The following ETS1 variants were observed in gnomAD, a reference collection of about 807,000 sequenced individuals.
The protein encoded by ETS1 is protein C-ets-1.
In ETS1, 15 loss-of-function variants were observed where a neutral mutation model predicts 58.6. The ratio of observed to expected loss-of-function variants is 0.26; its 90% CI spans 0.17 to 0.39. The LOEUF (loss-of-function observed/expected upper bound fraction) is 0.39, where lower values mean the gene tolerates loss of function less well. ETS1 is among the 10% of genes least tolerant of loss of function. The pLI, the probability that ETS1 is intolerant of heterozygous loss-of-function variation, is 1.00. For synonymous variants in ETS1, 214 were observed against 218.2 expected, an observed-to-expected ratio of 0.98 and a Z score of 0.17; for missense variants, 417 against 610.5, an observed-to-expected ratio of 0.68 and a Z score of 3.34.
intron 3 of ETS1, among the ~76,000 whole-genome samples, chr11:128,496,104 A>C (rs1013102152): frequency 6.6e-6 from 1 of 152,170 alleles, no homozygotes; most frequent in African/African-American, 2.4e-5. Flanking sequence ...GGGAGATCAT[A>C]GAGTTAAAGT....
chr11:128,515,637 T>C (rs1373581433), intron 3 of ETS1, among the ~76,000 whole-genome samples: 1 of 152,182 alleles, frequency 6.6e-6, no homozygotes, highest in Non-Finnish European at 1.5e-5. Flanking sequence ...CCAGTTAATG[T>C]CTGTCATTCT....
At chr11:128,568,458 C>A (rs893974526) in intron 2 of ETS1, among the ~76,000 whole-genome samples, 11 of 152,156 alleles carry the variant, frequency 7.2e-5, no homozygotes, top group African/African-American at 2.7e-4. Flanking sequence ...AGCACTTCCT[C>A]CCCATGGATG....
chr11:128,572,972 T>C, intron 2 of ETS1, 90 bp downstream of exon 2: 1 of 998,664 alleles, frequency 1.0e-6, no homozygotes, highest in Admixed American at 2.1e-5. Flanking sequence ...TCCTGGCTTC[T>C]CTGTCTACTG....
At chr11:128,579,909 G>A (rs545556357) in intron 1 of ETS1, among the ~76,000 whole-genome samples, 8 of 151,714 alleles carry the variant, frequency 5.3e-5, no homozygotes, top group Non-Finnish European at 8.8e-5. Flanking sequence ...GCAATTGCAT[G>A]GACCTCCTTG....
At chr11:128,574,075 G>A (rs1157434389) in intron 1 of ETS1, among the ~76,000 whole-genome samples, 3 of 152,138 alleles carry the variant, frequency 2.0e-5, no homozygotes, top group Admixed American at 2.0e-4. Flanking sequence ...AATAAGAAAT[G>A]TCTTATGTTC....
chr11:128,485,067 A>G lies in ETS1; in HGVS notation c.618T>C (p.Tyr206=). ...GAACACACTGGGCATGCTCAATACC[A>G]TAGCCTGGAAACAAAGGGTTTGCAA... is the stretch of plus-strand genomic sequence containing the variant. ...SRYTSDYFIS[Y]GIEHAQCVPP... The change falls in exon 7 of 10, where the codon TAT becomes TAC. Residue 206 remains tyrosine, a synonymous_variant. Coordinates refer to ENST00000392668, the MANE Select transcript of ETS1 (RefSeq NM_001143820.2). 2 of 1,609,602 alleles carry G rather than the reference A, an allele frequency of 1.2e-6. No individual in the cohort carries two copies. The highest frequency in any genetic ancestry group is 2.2e-5 in the South Asian group (2 of 90,790).
intron 2 of ETS1, among the ~76,000 whole-genome samples, chr11:128,571,155 G>A (rs764945862): frequency 2.6e-5 from 4 of 151,954 alleles, no homozygotes; most frequent in Non-Finnish European, 5.9e-5. Flanking sequence ...CAGGCTGGGC[G>A]CGGTGGCTCA....
chr11:128,508,061 G>C (rs1305335203), intron 3 of ETS1, among the ~76,000 whole-genome samples: 12 of 152,210 alleles, frequency 7.9e-5, no homozygotes, highest in Non-Finnish European at 1.3e-4. Flanking sequence ...CTCACGTTCG[G>C]TAAGAATGCG....
intron 3 of ETS1, among the ~76,000 whole-genome samples, chr11:128,503,794 G>C (rs1179269970): frequency 6.6e-6 from 1 of 152,190 alleles, no homozygotes; most frequent in Non-Finnish European, 1.5e-5. Context: ...AGAAGGCAGA[G>C]AGACACACAT....
chr11:128,538,729 AACAC>A lies in ETS1; in HGVS notation c.214+17558_214+17561del, dbSNP rs144715375. Among the ~76,000 whole-genome samples the A allele has an allele frequency of 1.3e-4, 20 of 149,182 alleles. No individual in the cohort carries two copies. The South Asian group carries it at 2.5e-3, about 19-fold the overall frequency. On this transcript the variant is annotated intron_variant, in intron 3 of 9. Transcript: ENST00000392668. The stretch of plus-strand genomic sequence containing the variant: ...ATACTGGTAGTTTTATTCAGGTGAA[AACAC>A]ACACACACACACATACACACATACA...
intron 3 of ETS1, 104 bp from the exon 4 acceptor site, chr11:128,490,680 T>A: frequency 1.2e-6 from 1 of 830,658 alleles, no homozygotes; most frequent in Non-Finnish European, 1.9e-6. Flanking sequence ...GAAACAACTG[T>A]GCTAGCATCC....
At chr11:128,532,979 TCCTCTGTCAGAAA>T (rs1279083825) in intron 3 of ETS1, among the ~76,000 whole-genome samples, 2 of 152,192 alleles carry the variant, frequency 1.3e-5, no homozygotes, top group Non-Finnish European at 2.9e-5. Flanking sequence ...TGATTAGCTT[TCCTCTGTCAGAAA>T]CCTCTGCAAA....
At chr11:128,564,252 G>A (rs1864453198) in intron 2 of ETS1, among the ~76,000 whole-genome samples, 1 of 152,176 alleles carries the variant, frequency 6.6e-6, no homozygotes, top group African/African-American at 2.4e-5. Context: ...ACCAGGAGAA[G>A]CAGGAACAGG....
rs1017100515 is a variant in ETS1, at chr11:128,459,997, C to T, written c.*2364G>A. The T allele has an allele frequency of 2.0e-5, 3 of 152,392 alleles. No homozygotes were observed. Among genetic ancestry groups the T allele is most frequent in the Non-Finnish European group, 2.9e-5 (2 of 68,032 alleles). The allele number at this position is 152,392 out of a possible 1,614,324, so 9.4% of individuals were successfully genotyped here. A position where few individuals can be genotyped will look rare whatever the true frequency, so the allele number is the denominator to read the frequency against. On this transcript the variant is annotated 3_prime_UTR_variant, in exon 10 of 10. Coordinates refer to ENST00000392668, the MANE Select transcript of ETS1 (RefSeq NM_001143820.2). ...ATACCCGGCCCTGGTTCTACTCTTA[C>T]CCATTATTGAAATGTGGAAAGACTT...
chr11:128,475,830 C>T (rs906517874), intron 8 of ETS1, among the ~76,000 whole-genome samples: 12 of 152,102 alleles, frequency 7.9e-5, no homozygotes, highest in African/African-American at 2.4e-4. Flanking sequence ...GGATTACAGG[C>T]GTGAGCCACC....
Position 128,556,370 on chromosome 11 carries a change from G to C in ETS1, c.135C>G (p.His45Gln). 6.2e-7 allele frequency: 1 copy of C among 1,613,088 alleles called. No individual in the cohort carries two copies. The highest frequency in any genetic ancestry group is 8.5e-7 in the Non-Finnish European group (1 of 1,179,104). The change falls in exon 3 of 10, where the codon CAC becomes CAG. Residue 45 changes from histidine to glutamine, a missense_variant. Coordinates refer to ENST00000392668, the MANE Select transcript of ETS1 (RefSeq NM_001143820.2). ...AAAAGGGGTAGCAAGGTCTTTGCTGGTGATAATTGGACTGGAAACCACAGT... is the reference window on the plus strand; with the variant it reads ...AAAAGGGGTAGCAAGGTCTTTGCTGCTGATAATTGGACTGGAAACCACAGT... ...RMNCGFQSNYHQQRPCYPFWD... is the reference protein window; with the variant it reads ...RMNCGFQSNYQQQRPCYPFWD...
chr11:128,551,840 A>C (rs2135553371), intron 3 of ETS1, among the ~76,000 whole-genome samples: 1 of 152,218 alleles, frequency 6.6e-6, no homozygotes, highest in Middle Eastern at 3.4e-3. Flanking sequence ...GCACTGTTTT[A>C]TGCTTTACAC....
intron 2 of ETS1, among the ~76,000 whole-genome samples, chr11:128,570,492 T>G (rs1864605343): frequency 6.6e-6 from 1 of 152,160 alleles, no homozygotes; most frequent in South Asian, 2.1e-4. Context: ...TCCGCCCGCC[T>G]CAGCCTCCCA....
At chr11:128,475,974 T>G (rs1862313533) in intron 8 of ETS1, among the ~76,000 whole-genome samples, 1 of 152,152 alleles carries the variant, frequency 6.6e-6, no homozygotes, top group African/African-American at 2.4e-5. Flanking sequence ...TTAAGGAAAC[T>G]GAAGGACTGC....
Sources: allele counts gnomAD v4.1 joint callset (sites outside exome capture counted in the v4.1 genomes callset), GRCh38; gene constraint gnomAD v4.1.1; transcripts MANE v1.5; gene names NCBI Gene and HGNC (gene_info 2026-07-23, HGNC 2026-07-21).